The following ZDHHC19 variants were observed in gnomAD, a reference collection of about 807,000 sequenced individuals.
ZDHHC19 encodes zDHHC palmitoyltransferase 19.
Under a neutral mutation model 33.9 loss-of-function variants are expected in ZDHHC19, and 30 were observed. The ratio of observed to expected loss-of-function variants is 0.88; its 90% CI spans 0.66 to 1.20. The LOEUF (loss-of-function observed/expected upper bound fraction) is 1.20. Among genes scored for constraint, ZDHHC19 ranks in the 50% most tolerant of loss-of-function variants. The pLI, the probability that ZDHHC19 is intolerant of heterozygous loss-of-function variation, is 0.00. For missense variants in ZDHHC19, 364 were observed against 401.1 expected (o/e 0.91, Z 0.79); for synonymous variants, 178 against 167.6 (o/e 1.06, Z -0.48).
At chr3:196,198,951 G>C (rs1295358346) in intron 5 of ZDHHC19, 77 bp from the exon 6 acceptor site, 3 of 1,472,146 alleles carry the variant, frequency 2.0e-6, no homozygotes, top group African/African-American at 2.8e-5. Flanking sequence ...GGCCCTCCCT[G>C]AGCTGGTCAG....
chr3:196,198,229 C>G, intron 7 of ZDHHC19, 47 bp downstream of exon 7: 1 of 1,426,310 alleles, frequency 7.0e-7, no homozygotes, highest in Non-Finnish European at 9.2e-7. Context: ...CTGCAGACAC[C>G]CCCCTCCCGA....
chr3:196,200,449 G>T (rs1364660091), intron 5 of ZDHHC19, among the ~76,000 whole-genome samples: 2 of 147,334 alleles, frequency 1.4e-5, no homozygotes, highest in African/African-American at 5.1e-5. Flanking sequence ...CCGCCTCCCA[G>T]GTTCACGCCA....
At position 196,203,400 on chromosome 3, in the gene ZDHHC19, G is replaced by A. The variant is rs1383181416; in HGVS notation, c.687+3998C>T. Among the ~76,000 whole-genome samples, 5 of 152,312 alleles carry A rather than the reference G, an allele frequency of 3.3e-5. No individual in the cohort carries two copies. The highest frequency in any genetic ancestry group is 6.5e-5 in the Admixed American group (1 of 15,296). ...CATTTTACAGTTGGGGAAAGTGGACGCCTAGGTGGCTAAGTAATATACCCA... is the reference window on the plus strand; with the variant it reads ...CATTTTACAGTTGGGGAAAGTGGACACCTAGGTGGCTAAGTAATATACCCA... On this transcript the variant is annotated intron_variant, in intron 5 of 7. Transcript: ENST00000296326. The surrounding 1 kb of genome is among the most constrained non-coding windows in gnomAD (Gnocchi z 4.3).
chr3:196,200,155 G>C (rs1380473398), intron 5 of ZDHHC19, among the ~76,000 whole-genome samples: 1 of 150,466 alleles, frequency 6.6e-6, no homozygotes, highest in Non-Finnish European at 1.5e-5. Flanking sequence ...TGCACCTGTA[G>C]TCTCAGCTTC....
chr3:196,206,683 T>C (rs1318869424), intron 5 of ZDHHC19, among the ~76,000 whole-genome samples: 10 of 111,582 alleles, frequency 9.0e-5, no homozygotes, highest in African/African-American at 2.1e-4. Context: ...TCTTTTCTTT[T>C]TTTTTTTTTT....
chr3:196,207,278 G>A, intron 5 of ZDHHC19, 120 bp downstream of exon 5: 1 of 817,460 alleles, frequency 1.2e-6, no homozygotes, highest in Non-Finnish European at 1.9e-6. Flanking sequence ...GGGTCTGGAG[G>A]GACCTAACGA....
chr3:196,209,520 C>T lies in ZDHHC19; in HGVS notation c.269-5G>A, dbSNP rs771172143. The T allele has an allele frequency of 1.4e-5, 22 of 1,611,858 alleles. No individual in the cohort carries two copies. Among genetic ancestry groups the T allele is most frequent in the Non-Finnish European group, 1.8e-5 (21 of 1,179,442 alleles). On this transcript the variant is annotated splice_region_variant and splice_polypyrimidine_tract_variant and intron_variant, in intron 2 of 7. Transcript: ENST00000296326. ...AGGGGCCCTGCTCAGCGGAGCCTGG[C>T]GTGGGAAGAGGATTGGGCACAGCAG...
intron 1 of ZDHHC19, 121 bp from the exon 2 acceptor site, chr3:196,210,858 C>G (rs1723246834): frequency 7.0e-7 from 1 of 1,422,884 alleles, no homozygotes; most frequent in South Asian, 1.4e-5. Context: ...ATCCAGGCTC[C>G]AAATACCCAG....
intron 1 of ZDHHC19, 117 bp downstream of exon 1, chr3:196,211,053 C>T (rs1723262318): frequency 6.6e-7 from 1 of 1,517,694 alleles, no homozygotes; most frequent in African/African-American, 1.4e-5. Context: ...AACAGAATAT[C>T]CCCTTTTCCC....
At chr3:196,208,860 C>A (rs79027293) in intron 3 of ZDHHC19, 98 of 402,448 alleles carry the variant, frequency 2.4e-4, no homozygotes, top group African/African-American at 2.0e-3. Flanking sequence ...TAAACCATCT[C>A]TGGACCTCCA....
rs200718632 is a variant in ZDHHC19 at position 196,207,415 on chromosome 3, G to C, written c.670C>G (p.Arg224Gly). The C allele has an allele frequency of 2.2e-3, 3,446 of 1,566,000 alleles. 7 individuals are homozygous for C. Among genetic ancestry groups the C allele is most frequent in the Non-Finnish European group, 2.2e-3 (2,487 of 1,156,504 alleles). ...CCGCGTACCTTGCCCTTGTAGGTGC[G>C]GTCGGCCGAGCTCACGGACAGTGCC... ...IQALSVSSAD[R>G]TYKGKCRHLQ... The change falls in exon 5 of 8, where the codon CGC (arginine) becomes GGC (glycine). Residue 224 changes from arginine to glycine, a missense_variant. By Grantham distance (125) the Arg-to-Gly change is moderately radical. Transcript: ENST00000296326.
intron 1 of ZDHHC19, 131 bp downstream of exon 1, chr3:196,211,039 C>A: frequency 6.8e-7 from 1 of 1,471,120 alleles, no homozygotes; most frequent in South Asian, 1.2e-5. Flanking sequence ...CGTCGGTTCC[C>A]TCGAACAGAA....
chr3:196,206,885 T>C (rs898932875), intron 5 of ZDHHC19, among the ~76,000 whole-genome samples: 1 of 152,058 alleles, frequency 6.6e-6, no homozygotes, highest in Non-Finnish European at 1.5e-5. Context: ...CTCTCCATCC[T>C]ATCAACATTC....
Position 196,203,458 on chromosome 3 carries a change from A to G in ZDHHC19, c.687+3940T>C, listed in dbSNP as rs79386630. Among the ~76,000 whole-genome samples the G allele has an allele frequency of 4.1e-3, 624 of 152,288 alleles. 5 individuals are homozygous for G. The highest frequency in any genetic ancestry group is 0.014 in the African/African-American group (593 of 41,544). On this transcript the variant is annotated intron_variant, in intron 5 of 7. Transcript: ENST00000296326. This position sits in a 1 kb window ranked among gnomAD's most constrained non-coding sequence, Gnocchi z 4.3. ...TCTGCTGGTATGCTGTGGAGCTGTG[A>G]TGTGAACATGTGTGAACTGGATCCA...
At chr3:196,204,597 C>A (rs1013607646) in intron 5 of ZDHHC19, among the ~76,000 whole-genome samples, 4 of 152,116 alleles carry the variant, frequency 2.6e-5, no homozygotes, top group Non-Finnish European at 5.9e-5. Flanking sequence ...CAAAGAAGAA[C>A]ATGAAAATAT....
At chr3:196,206,077 A>T (rs1411861503) in intron 5 of ZDHHC19, among the ~76,000 whole-genome samples, 2 of 150,798 alleles carry the variant, frequency 1.3e-5, no homozygotes, top group Non-Finnish European at 3.0e-5. Flanking sequence ...TTTGAGACAG[A>T]GTCTCAATCT....
intron 3 of ZDHHC19, 171 bp downstream of exon 3, chr3:196,209,205 G>T: frequency 1.1e-6 from 1 of 891,016 alleles, no homozygotes; most frequent in Non-Finnish European, 1.7e-6. Context: ...CAGGACAGGT[G>T]CAGGTGGAGA....
chr3:196,204,847 C>T (rs1373117874), intron 5 of ZDHHC19, among the ~76,000 whole-genome samples: 8 of 152,230 alleles, frequency 5.3e-5, no homozygotes, highest in Non-Finnish European at 8.8e-5. Context: ...TGGCTCACGC[C>T]TATAATCCCA....
chr3:196,210,501 G>A (rs1332158793), intron 2 of ZDHHC19, 115 bp downstream of exon 2: 5 of 1,362,348 alleles, frequency 3.7e-6, no homozygotes, highest in South Asian at 1.3e-5. Context: ...AAGACGTGGG[G>A]TGAAGGGGTC....
Sources: gnomAD v4.1 joint callset for allele counts (sites outside exome capture counted in the v4.1 genomes callset) on GRCh38, gnomAD v4.1.1 for gene constraint, Gnocchi (gnomAD v3.1) non-coding constraint, MANE v1.5 for transcripts, NCBI Gene and HGNC (gene_info 2026-07-23, HGNC 2026-07-21) for gene names.